Variants in RIMOC1 observed in about 807,000 individuals in gnomAD.
RIMOC1 encodes RAB7A interacting MON1-CCZ1 complex subunit 1.
the RIMOC1 span, chr5:41,911,041 G>A: frequency 1.9e-6 from 3 of 1,606,050 alleles, no homozygotes; most frequent in Non-Finnish European, 1.7e-6. Context: ...TTTTTTGTGT[G>A]TTTCAGCACT....
chr5:41,913,970 A>AC, the RIMOC1 span, among the ~76,000 whole-genome samples: 5 of 152,192 alleles, frequency 3.3e-5, no homozygotes, highest in Admixed American at 2.0e-4. Flanking sequence ...GCTTTTAAAA[A>AC]ATTTCTATTT....
chr5:41,921,233 G>T, the RIMOC1 span: 1 of 152,590 alleles, frequency 6.6e-6, no homozygotes, highest in Non-Finnish European at 1.5e-5. Flanking sequence ...TCATTAAAGT[G>T]TGAGCTGTGT....
the RIMOC1 span, among the ~76,000 whole-genome samples, chr5:41,911,887 A>G: frequency 6.6e-6 from 1 of 152,004 alleles, no homozygotes; most frequent in Non-Finnish European, 1.5e-5. Context: ...TTCAAGGGGT[A>G]TATTTATATT....
At chr5:41,918,614 A>C in the RIMOC1 span, 13 of 985,378 alleles carry the variant, frequency 1.3e-5, no homozygotes, top group Non-Finnish European at 1.6e-5. Flanking sequence ...AGTCCTTCAA[A>C]GTAGAATCAC....
At chr5:41,920,576 T>C in the RIMOC1 span, 3 of 152,056 alleles carry the variant, frequency 2.0e-5, no homozygotes, top group African/African-American at 4.8e-5. Context: ...AAGTGATGAG[T>C]ACCATGAAGA....
At chr5:41,907,665 A>G in the RIMOC1 span, 3 of 823,366 alleles carry the variant, frequency 3.6e-6, no homozygotes, top group South Asian at 4.8e-5. Flanking sequence ...ATCTTCATAC[A>G]TAATGTGTTT....
the RIMOC1 span, chr5:41,904,518 C>G: frequency 1.3e-6 from 2 of 1,543,360 alleles, no homozygotes; most frequent in Non-Finnish European, 1.8e-6. Flanking sequence ...CGCTAAGGTA[C>G]TGGCGCTCGA....
the RIMOC1 span, chr5:41,912,139 G>C: frequency 6.2e-7 from 1 of 1,611,632 alleles, no homozygotes; most frequent in South Asian, 1.1e-5. Context: ...TTAAATGAAG[G>C]AGTTTCTTTC....
the RIMOC1 span, chr5:41,908,191 T>TC: frequency 6.1e-6 from 1 of 163,992 alleles, no homozygotes; most frequent in East Asian, 1.8e-4. Flanking sequence ...TTTTTTTTTT[T>TC]CCCCTGAAAT....
At chr5:41,913,328 C>T in the RIMOC1 span, among the ~76,000 whole-genome samples, 124 of 152,280 alleles carry the variant, frequency 8.1e-4, no homozygotes, top group African/African-American at 2.8e-3. Context: ...AGATTCTTTA[C>T]TAAGAAGGGG....
chr5:41,918,507 C>T, the RIMOC1 span: 5 of 985,248 alleles, frequency 5.1e-6, no homozygotes, highest in Non-Finnish European at 6.0e-6. Context: ...TCTTCTTTCC[C>T]TGGTCTTTTA....
chr5:41,918,128 G>A, the RIMOC1 span: 1 of 985,768 alleles, frequency 1.0e-6, no homozygotes, highest in East Asian at 1.1e-4. Context: ...TGGTCTTTCT[G>A]TCTACCTCAA....
the RIMOC1 span, chr5:41,916,967 T>G: frequency 2.0e-6 from 3 of 1,468,406 alleles, no homozygotes; most frequent in Non-Finnish European, 2.7e-6. Context: ...AACTACGGTT[T>G]CTTTTTAAGC....
At chr5:41,916,899 A>T in the RIMOC1 span, 1 of 877,256 alleles carries the variant, frequency 1.1e-6, no homozygotes, top group Non-Finnish European at 1.7e-6. Context: ...TGTTACTGTT[A>T]AAGTGAGAAT....
chr5:41,917,101 A>T, the RIMOC1 span: 1 of 1,613,872 alleles, frequency 6.2e-7, no homozygotes, highest in Non-Finnish European at 8.5e-7. Flanking sequence ...CTGATCAGCA[A>T]CCAGAAAATC....
the RIMOC1 span, among the ~76,000 whole-genome samples, chr5:41,913,754 T>A: frequency 6.6e-6 from 1 of 152,204 alleles, no homozygotes; most frequent in Non-Finnish European, 1.5e-5. Flanking sequence ...AAATAGTGAT[T>A]TAAGTGACCT....
chr5:41,909,846 T>C, the RIMOC1 span: 1 of 1,587,506 alleles, frequency 6.3e-7, no homozygotes, highest in Non-Finnish European at 8.5e-7. Flanking sequence ...ATTAGTTTTC[T>C]TTCAGAACCA....
the RIMOC1 span, chr5:41,918,399 T>C: frequency 1.0e-6 from 1 of 985,852 alleles, no homozygotes; most frequent in Non-Finnish European, 1.2e-6. Context: ...TTTTCTTGAC[T>C]GCTCCCCTTC....
chr5:41,907,752 G>T, the RIMOC1 span: 1 of 1,603,948 alleles, frequency 6.2e-7, no homozygotes, highest in East Asian at 2.2e-5. Flanking sequence ...TTTTAATTCG[G>T]GCCTCTGCAG....
Sources: allele counts gnomAD v4.1 joint callset (sites outside exome capture counted in the v4.1 genomes callset), GRCh38; gene constraint gnomAD v4.1.1; transcripts MANE v1.5; gene names NCBI Gene and HGNC (gene_info 2026-07-23, HGNC 2026-07-21).